The following TNKS2 variants were observed in gnomAD, a reference collection of about 807,000 sequenced individuals.
TNKS2 encodes the protein tankyrase 2.
Under a neutral mutation model 137.6 loss-of-function variants are expected in TNKS2, and 72 were observed. That is an observed-to-expected ratio of 0.52 (90% CI 0.43 to 0.64). The LOEUF is 0.64. TNKS2 is among the 30% of genes least tolerant of loss of function. The pLI is 0.00. For synonymous variants in TNKS2, 516 were observed against 512.1 expected (o/e 1.01, Z -0.10); for missense variants, 1,049 against 1,410.2 (o/e 0.74, Z 4.10).
In TNKS2 at chr10:91,865,065, T is replaced by G. The variant is rs1233085655; in HGVS notation, c.*2066T>G. 2 of 152,282 alleles carry G rather than the reference T, an allele frequency of 1.3e-5. No homozygotes were observed. Among genetic ancestry groups the G allele is most frequent in the African/African-American group, 4.8e-5 (2 of 41,372 alleles). The allele number at this position is 152,282 out of a possible 1,614,324, so 9.4% of individuals were successfully genotyped here. A position where few individuals can be genotyped will look rare whatever the true frequency, so the allele number is the denominator to read the frequency against. On this transcript the variant is annotated 3_prime_UTR_variant, in exon 27 of 27. Coordinates refer to ENST00000371627, the MANE Select transcript of TNKS2 (RefSeq NM_025235.4). ...CTTTTTGTTTGTTGGGAAGTTGGGG[T>G]TTTGGGGGGAGGGGGAGTATTAGTA...
chr10:91,819,270 G>A lies in TNKS2; in HGVS notation c.521G>A (p.Gly174Asp). The A allele has an allele frequency of 1.4e-6, 2 of 1,419,520 alleles. No individual in the cohort carries two copies. The highest frequency in any genetic ancestry group is 1.9e-6 in the Non-Finnish European group (2 of 1,073,746). 87.9% of individuals were successfully genotyped at this position (1,419,520 alleles called of 1,614,324 possible). ...ACTTTTTTTTTTTTCTAATTCACAG[G>A]TGAATATAAGAAAGATGAACTCTTA... ...ADPSAKAVLTGEYKKDELLES... is the reference protein window; with the variant it reads ...ADPSAKAVLTDEYKKDELLES... Residue 174 changes from glycine to aspartate, a missense_variant and splice_region_variant, in exon 4 of 27, where the codon GGT (glycine) becomes GAT (aspartate). Coordinates refer to ENST00000371627, the MANE Select transcript of TNKS2 (RefSeq NM_025235.4).
intron 1 of TNKS2, among the ~76,000 whole-genome samples, chr10:91,807,981 G>A (rs1056530559): frequency 1.5e-5 from 2 of 131,296 alleles, no homozygotes; most frequent in Non-Finnish European, 3.1e-5. Context: ...GGGGGACAGA[G>A]CGAGACTCTG....
intron 15 of TNKS2, 86 bp downstream of exon 15, chr10:91,841,534 C>T: frequency 9.2e-7 from 1 of 1,087,196 alleles, no homozygotes; most frequent in Non-Finnish European, 1.2e-6. Context: ...TAAAGTTAAA[C>T]TAGTAAGCAA....
At chr10:91,826,623 G>A (rs2133625524) in intron 7 of TNKS2, among the ~76,000 whole-genome samples, 1 of 152,272 alleles carries the variant, frequency 6.6e-6, no homozygotes, top group South Asian at 2.1e-4. Context: ...GAAACATTCT[G>A]GGGTAATGAA....
chr10:91,824,558 T>C (rs1301666159), intron 7 of TNKS2, among the ~76,000 whole-genome samples: 1 of 152,202 alleles, frequency 6.6e-6, no homozygotes, highest in Non-Finnish European at 1.5e-5. Context: ...TGTTGACTGA[T>C]ATTTCTTTGC....
At chr10:91,836,642 G>A (rs1005458075) in intron 12 of TNKS2, 67 of 985,158 alleles carry the variant, frequency 6.8e-5, no homozygotes, top group Non-Finnish European at 7.5e-5. Context: ...GCCATCTTTA[G>A]TCATCTCCTT....
intron 21 of TNKS2, among the ~76,000 whole-genome samples, chr10:91,851,966 C>G (rs1042755238): frequency 6.6e-6 from 1 of 152,214 alleles, no homozygotes; most frequent in African/African-American, 2.4e-5. Flanking sequence ...CGGTGGCTCA[C>G]GCCTGTAATT....
Position 91,855,064 on chromosome 10 carries a change from A to G in TNKS2, c.2851A>G (p.Ser951Gly). Residue 951 changes from serine to glycine, a missense_variant, in exon 22 of 27, where the codon AGT (serine) becomes GGT (glycine). Physicochemically the swap from Ser to Gly is moderately conservative, Grantham distance 56. Coordinates refer to ENST00000371627, the MANE Select transcript of TNKS2 (RefSeq NM_025235.4). ...NPYLTLNTSG[S>G]GTILIDLSPD... ...ATATTTAACTTTGAACACCTCTGGTAGTGGAACAATTCTTATAGATCTGTC... is the reference window on the plus strand; with the variant it reads ...ATATTTAACTTTGAACACCTCTGGTGGTGGAACAATTCTTATAGATCTGTC... 1 of 1,611,628 alleles carries G rather than the reference A, an allele frequency of 6.2e-7. No homozygotes were observed. Among genetic ancestry groups the G allele is most frequent in the Non-Finnish European group, 8.5e-7 (1 of 1,178,098 alleles).
chr10:91,819,545 T>C lies in TNKS2; in HGVS notation c.621T>C (p.Ser207=), dbSNP rs1263389193. 1 of 1,592,450 alleles carries C rather than the reference T, an allele frequency of 6.3e-7. No homozygotes were observed. The highest frequency in any genetic ancestry group is 1.2e-5 in the South Asian group (1 of 86,102). Reference sequence around the variant, plus strand: ...CATTAAATGTCAACTGCCACGCAAGTGATGGCAGAAAGGTACTTCCTTTTG... The same window carrying C: ...CATTAAATGTCAACTGCCACGCAAGCGATGGCAGAAAGGTACTTCCTTTTG... ...LTPLNVNCHA[S]DGRKSTPLHL... The change falls in exon 5 of 27, where the codon AGT becomes AGC. Residue 207 remains serine, a synonymous_variant. Transcript: ENST00000371627.
intron 11 of TNKS2, among the ~76,000 whole-genome samples, chr10:91,832,508 A>G (rs1841843240): frequency 6.6e-6 from 1 of 151,774 alleles, no homozygotes; most frequent in Admixed American, 6.6e-5. Flanking sequence ...TTCACATTTC[A>G]GCGAGTTAGG....
chr10:91,801,041 G>A (rs1169097910), intron 1 of TNKS2, among the ~76,000 whole-genome samples: 1 of 152,120 alleles, frequency 6.6e-6, no homozygotes, highest in Non-Finnish European at 1.5e-5. Flanking sequence ...GGTGATGGGG[G>A]ACATCATTAT....
chr10:91,823,180 G>C (rs1343443920), intron 7 of TNKS2, among the ~76,000 whole-genome samples: 3 of 152,034 alleles, frequency 2.0e-5, no homozygotes, highest in African/African-American at 4.8e-5. Flanking sequence ...AGATATAATA[G>C]CAAGATTTGC....
At chr10:91,853,033 C>T (rs1842594833) in intron 21 of TNKS2, among the ~76,000 whole-genome samples, 2 of 152,246 alleles carry the variant, frequency 1.3e-5, no homozygotes, top group South Asian at 4.2e-4. Flanking sequence ...GAAACTAGAA[C>T]CCTCAGTTGT....
intron 1 of TNKS2, among the ~76,000 whole-genome samples, chr10:91,803,341 T>A (rs964470257): frequency 6.6e-6 from 1 of 151,814 alleles, no homozygotes; most frequent in Non-Finnish European, 1.5e-5. Context: ...TGGTGACACC[T>A]CATCTCTACA....
At chr10:91,800,598 G>A (rs1360740815) in intron 1 of TNKS2, among the ~76,000 whole-genome samples, 1 of 152,028 alleles carries the variant, frequency 6.6e-6, no homozygotes, top group Non-Finnish European at 1.5e-5. Context: ...GTTCAAGTTT[G>A]GAAGACTTAA....
chr10:91,808,394 A>C, intron 1 of TNKS2, among the ~76,000 whole-genome samples: 1 of 152,108 alleles, frequency 6.6e-6, no homozygotes, highest in Non-Finnish European at 1.5e-5. Context: ...TTAGAGAAGA[A>C]GTTGAGGGCC....
intron 12 of TNKS2, 64 bp from the exon 13 acceptor site, chr10:91,836,855 A>G (rs1284457044): frequency 8.4e-6 from 13 of 1,553,274 alleles, no homozygotes; most frequent in Non-Finnish European, 1.0e-5. Flanking sequence ...GATGCCTTCC[A>G]TAAAGCTTGG....
intron 13 of TNKS2, 136 bp downstream of exon 13, chr10:91,837,134 TG>T: frequency 1.3e-6 from 1 of 749,360 alleles, no homozygotes. Flanking sequence ...CAATCTTAAT[TG>T]TTCTCTACAA....
At chr10:91,845,714 A>C (rs756933781) in intron 17 of TNKS2, 38 bp from the exon 18 acceptor site, 2 of 1,394,340 alleles carry the variant, frequency 1.4e-6, no homozygotes, top group African/African-American at 2.9e-5. Flanking sequence ...GTGTGACAAA[A>C]TAATATTTCA....
Sources: allele counts gnomAD v4.1 joint callset (sites outside exome capture counted in the v4.1 genomes callset), GRCh38; gene constraint gnomAD v4.1.1; transcripts MANE v1.5; gene names NCBI Gene and HGNC (gene_info 2026-07-23, HGNC 2026-07-21).